DPP6: variants seen among roughly 807,000 people sequenced by gnomAD.
DPP6 encodes A-type potassium channel modulatory protein DPP6.
In DPP6, 69 loss-of-function variants were observed where a neutral mutation model predicts 122.6. The observed-to-expected ratio is 0.56, with a 90% CI of 0.46 to 0.69. The LOEUF is 0.69. DPP6 is among the 30% of genes least tolerant of loss of function. The probability of loss-of-function intolerance (pLI) is 0.00; values close to 1 mark genes in which losing one functional copy is unlikely to be tolerated. For missense variants in DPP6, 928 were observed against 1,116.9 expected (o/e 0.83, Z 2.41); for synonymous variants, 418 against 433.1 (o/e 0.97, Z 0.43).
chr7:154,703,708 C>T (rs564372915), intron 7 of DPP6, among the ~76,000 whole-genome samples: 3 of 151,710 alleles, frequency 2.0e-5, no homozygotes, highest in South Asian at 2.1e-4. Context: ...AAGGCCAAAG[C>T]GGGCAGATCA....
At chr7:153,912,059 TC>T (rs1800112525) in intron 1 of DPP6, among the ~76,000 whole-genome samples, 1 of 152,108 alleles carries the variant, frequency 6.6e-6, no homozygotes, top group Non-Finnish European at 1.5e-5. Flanking sequence ...TTAGGTAACA[TC>T]CCCAGTGGTG....
At chr7:154,671,238 GA>G (rs145260075) in intron 7 of DPP6, among the ~76,000 whole-genome samples, 18,464 of 152,158 alleles carry the variant, frequency 0.12, 1,211 homozygotes, top group African/African-American at 0.16. Context: ...AATCATCTGT[GA>G]AAGTGGCCAT....
chr7:154,638,631 C>T (rs1394795918), intron 6 of DPP6, among the ~76,000 whole-genome samples: 1 of 149,738 alleles, frequency 6.7e-6, no homozygotes, highest in African/African-American at 2.5e-5. Flanking sequence ...AGGCGTCCCC[C>T]ACACGACCCT....
intron 7 of DPP6, among the ~76,000 whole-genome samples, chr7:154,674,956 T>C (rs1838795163): frequency 6.6e-6 from 1 of 152,160 alleles, no homozygotes; most frequent in Non-Finnish European, 1.5e-5. Flanking sequence ...CCTGTGTCAG[T>C]CAGGAGAAAA....
chr7:154,488,222 C>T (rs1397911056), intron 3 of DPP6, among the ~76,000 whole-genome samples: 2 of 152,112 alleles, frequency 1.3e-5, no homozygotes, highest in East Asian at 3.9e-4. Context: ...CAGTAGCTCA[C>T]GCAAGCCTGT....
chr7:154,761,246 G>C (rs768524690), intron 8 of DPP6, among the ~76,000 whole-genome samples: 4 of 152,204 alleles, frequency 2.6e-5, no homozygotes, highest in Admixed American at 6.5e-5. Flanking sequence ...GCACCAACTG[G>C]GGTGACCAGA....
chr7:154,557,741 C>A (rs1830147850), intron 4 of DPP6, among the ~76,000 whole-genome samples: 1 of 151,806 alleles, frequency 6.6e-6, no homozygotes, highest in Admixed American at 6.6e-5. Flanking sequence ...CCATGCCATC[C>A]CGTGGGCTTT....
chr7:153,930,247 G>A (rs1362817974), intron 1 of DPP6, among the ~76,000 whole-genome samples: 1 of 152,146 alleles, frequency 6.6e-6, no homozygotes, highest in Non-Finnish European at 1.5e-5. Flanking sequence ...TCTTCTTAAA[G>A]CTAATTATCA....
chr7:154,677,800 T>C (rs1289970909), intron 7 of DPP6, among the ~76,000 whole-genome samples: 8 of 152,106 alleles, frequency 5.3e-5, no homozygotes, highest in Admixed American at 5.2e-4. Context: ...AGGCCTGGGA[T>C]GTGGAAGCCC....
At chr7:154,532,616 A>G (rs1827928508) in intron 3 of DPP6, among the ~76,000 whole-genome samples, 1 of 152,118 alleles carries the variant, frequency 6.6e-6, no homozygotes, top group Non-Finnish European at 1.5e-5. Flanking sequence ...GACACAAATG[A>G]CCAATTCAGG....
chr7:154,537,055 G>A (rs1828318273), intron 3 of DPP6, among the ~76,000 whole-genome samples: 1 of 151,816 alleles, frequency 6.6e-6, no homozygotes, highest in Non-Finnish European at 1.5e-5. Flanking sequence ...CAAACACAAA[G>A]GGTAAACATT....
At chr7:154,225,629 G>A (rs1800550285) in intron 1 of DPP6, among the ~76,000 whole-genome samples, 1 of 152,092 alleles carries the variant, frequency 6.6e-6, no homozygotes, top group African/African-American at 2.4e-5. Context: ...TTGAGCATGT[G>A]TATATATCTT....
At chr7:154,279,610 C>T (rs532905184) in intron 1 of DPP6, among the ~76,000 whole-genome samples, 127 of 152,312 alleles carry the variant, frequency 8.3e-4, no homozygotes, top group Middle Eastern at 6.8e-3. Flanking sequence ...ATGATCATTA[C>T]GTTCACGTTG....
Position 154,680,717 on chromosome 7 carries a change from A to C in DPP6, c.762+11276A>C, listed in dbSNP as rs564854048. Among the ~76,000 whole-genome samples the C allele has an allele frequency of 2.6e-5, 4 of 152,166 alleles. No individual in the cohort carries two copies. The South Asian group carries it at 8.3e-4, about 32-fold the overall frequency. On this transcript the variant is annotated intron_variant, in intron 7 of 25. Coordinates refer to ENST00000377770, the MANE Select transcript of DPP6 (RefSeq NM_130797.4). ...TTTAAAAAAAAATTAAAAAGAGAAG[A>C]AAATGTATTGTTAAAAATGGGATTT...
At chr7:153,963,327 T>C (rs1563053355) in intron 1 of DPP6, among the ~76,000 whole-genome samples, 1 of 150,942 alleles carries the variant, frequency 6.6e-6, no homozygotes, top group Non-Finnish European at 1.5e-5. Flanking sequence ...TTAGTGTAGA[T>C]GATTTCTCCC....
intron 1 of DPP6, among the ~76,000 whole-genome samples, chr7:153,930,540 A>G (rs554329492): frequency 1.3e-5 from 2 of 152,182 alleles, no homozygotes; most frequent in Non-Finnish European, 2.9e-5. Context: ...ACACTGTGTA[A>G]TGGCTCCATC....
intron 5 of DPP6, among the ~76,000 whole-genome samples, chr7:154,570,117 C>G (rs2130558288): frequency 6.6e-6 from 1 of 152,024 alleles, no homozygotes; most frequent in South Asian, 2.1e-4. Context: ...TACATGAAAT[C>G]AGCTGTCTTG....
At chr7:154,197,713 G>T (rs1798940229) in intron 1 of DPP6, among the ~76,000 whole-genome samples, 1 of 152,188 alleles carries the variant, frequency 6.6e-6, no homozygotes, top group African/African-American at 2.4e-5. Flanking sequence ...TCCTTGCCAA[G>T]ATGCTCATTT....
intron 1 of DPP6, among the ~76,000 whole-genome samples, chr7:154,065,884 T>C (rs1452073228): frequency 6.6e-6 from 1 of 151,736 alleles, no homozygotes; most frequent in African/African-American, 2.4e-5. Flanking sequence ...AGGAGGTGAG[T>C]TGTTTTATCC....
Sources: gnomAD v4.1 joint callset for allele counts (sites outside exome capture counted in the v4.1 genomes callset) on GRCh38, gnomAD v4.1.1 for gene constraint, MANE v1.5 for transcripts, NCBI Gene and HGNC (gene_info 2026-07-23, HGNC 2026-07-21) for gene names.